Variants in CEP170 observed in about 807,000 individuals in gnomAD.
CEP170 encodes the protein centrosomal protein 170.
CEP170 carries 21 observed loss-of-function variants against 151.9 expected under a neutral mutation model. That is an observed-to-expected ratio of 0.14 (90% CI 0.10 to 0.20). The LOEUF is 0.20. CEP170 is among the 10% of genes least tolerant of loss of function. CEP170 has a pLI of 1.00. For synonymous variants in CEP170, 356 were observed against 648.8 expected, an observed-to-expected ratio of 0.55 and a Z score of 6.86; for missense variants, 964 against 1,892.9, an observed-to-expected ratio of 0.51 and a Z score of 9.11.
intron 1 of CEP170, among the ~76,000 whole-genome samples, chr1:243,238,831 T>A (rs1474908713): frequency 6.6e-6 from 1 of 152,242 alleles, no homozygotes; most frequent in Non-Finnish European, 1.5e-5. Context: ...AATGTCCTCC[T>A]GTTAAATCTA....
At chr1:243,232,335 GTCTC>G (rs1355875380) in intron 1 of CEP170, among the ~76,000 whole-genome samples, 1 of 152,068 alleles carries the variant, frequency 6.6e-6, no homozygotes, top group Non-Finnish European at 1.5e-5. Flanking sequence ...AATTATATCA[GTCTC>G]TATCTTCTGT....
In CEP170 at chr1:243,255,076, G is replaced by A. The variant is rs937831106; in HGVS notation, c.-78C>T. The A allele has an allele frequency of 6.6e-6, 1 of 152,462 alleles. No homozygotes were observed. The highest frequency in any genetic ancestry group is 1.5e-5 in the Non-Finnish European group (1 of 68,138). The allele number at this position is 152,462 out of a possible 1,614,324, so 9.4% of individuals were successfully genotyped here. A position where few individuals can be genotyped will look rare whatever the true frequency, so the allele number is the denominator to read the frequency against. On this transcript the variant is annotated 5_prime_UTR_variant, in exon 1 of 20. Coordinates refer to ENST00000366542, the MANE Select transcript of CEP170 (RefSeq NM_014812.3). ...GAGAGAGGGACCGGACGGGGGAGGC[G>A]GGGCGCGTCGCGTCCCGTGAGTCTC...
In CEP170 at chr1:243,211,930, G is replaced by A. The variant is rs1558602098; in HGVS notation, c.230C>T (p.Thr77Ile). 1 of 1,575,982 alleles carries A rather than the reference G, an allele frequency of 6.3e-7. No homozygotes were observed. The highest frequency in any genetic ancestry group is 1.2e-5 in the South Asian group (1 of 83,466). ...ATCTTCAAGTTTCAAGGTGATATAA[G>A]TCTGTTCCGGAATCCTTACATCATT... ...FVNDVRIPEQ[T>I]YITLKLEDKL... The change falls in exon 4 of 20, where the codon ACT becomes ATT. Residue 77 changes from threonine to isoleucine, a missense_variant. By Grantham distance (89) the Thr-to-Ile change is moderately conservative. Transcript: ENST00000366542.
chr1:243,152,376 C>T (rs918730437), intron 14 of CEP170, among the ~76,000 whole-genome samples: 2 of 151,836 alleles, frequency 1.3e-5, no homozygotes, highest in African/African-American at 2.4e-5. Context: ...CGCCCGCCAC[C>T]ACGCCCGGCT....
rs2063132151 is a variant in CEP170 at position 243,225,238 on chromosome 1, G to A, written c.43C>T (p.Arg15Cys). 2 of 1,597,754 alleles carry A rather than the reference G, an allele frequency of 1.3e-6. No individual in the cohort carries two copies. The highest frequency in any genetic ancestry group is 1.7e-5 in the Admixed American group (1 of 57,318). ...SWFLVSSGGT[R>C]HRLPREMIFV... ...ATCATTTCTCGTGGCAGCCTGTGGC[G>A]AGTGCCTCCACTGCTCACCAAAAAC... Residue 15 changes from arginine to cysteine, a missense_variant, in exon 2 of 20, where the codon CGC becomes TGC. Arg to Cys is a radical substitution (Grantham distance 180). Coordinates refer to ENST00000366542, the MANE Select transcript of CEP170 (RefSeq NM_014812.3).
chr1:243,234,040 T>G (rs1266678100), intron 1 of CEP170, among the ~76,000 whole-genome samples: 1 of 152,154 alleles, frequency 6.6e-6, no homozygotes, highest in African/African-American at 2.4e-5. Flanking sequence ...AAAACACATG[T>G]TAAGGGCAGT....
intron 6 of CEP170, 80 bp from the exon 7 acceptor site, chr1:243,199,274 G>T (rs1285496024): frequency 1.3e-5 from 19 of 1,445,920 alleles, no homozygotes; most frequent in Non-Finnish European, 1.6e-5. Context: ...AGAACTGCCT[G>T]CTTGATTAAT....
chr1:243,172,666 A>G lies in CEP170; in HGVS notation c.1716+31T>C, dbSNP rs2058941198. On this transcript the variant is annotated intron_variant, in intron 11 of 19. Transcript: ENST00000366542. Reference sequence around the variant, plus strand: ...AAAAAAAAGAATTTATACTTTATGCATTCAAATAGGTACACAGAAGAGATG... The same window carrying G: ...AAAAAAAAGAATTTATACTTTATGCGTTCAAATAGGTACACAGAAGAGATG... The G allele has an allele frequency of 2.7e-6, 4 of 1,502,948 alleles. No individual in the cohort carries two copies. The African/African-American group carries it at 5.7e-5, about 21-fold the overall frequency. 93.1% of individuals were successfully genotyped at this position (1,502,948 alleles called of 1,614,324 possible). A position where few individuals can be genotyped will look rare whatever the true frequency, so the allele number is the denominator to read the frequency against.
intron 14 of CEP170, among the ~76,000 whole-genome samples, chr1:243,143,428 A>G (rs2056113365): frequency 1.3e-5 from 2 of 152,070 alleles, no homozygotes; most frequent in South Asian, 4.1e-4. Flanking sequence ...TTGCATTTTT[A>G]CCTACATGGA....
At chr1:243,196,145 T>C (rs1251371476) in intron 7 of CEP170, among the ~76,000 whole-genome samples, 1 of 152,108 alleles carries the variant, frequency 6.6e-6, no homozygotes, top group South Asian at 2.1e-4. Context: ...TTTATGGCTA[T>C]TTGATTTTGG....
chr1:243,229,431 A>C (rs1319263776), intron 1 of CEP170, among the ~76,000 whole-genome samples: 1 of 152,152 alleles, frequency 6.6e-6, no homozygotes, highest in Non-Finnish European at 1.5e-5. Flanking sequence ...GGAGGGAAAA[A>C]AAAGGCCAAG....
intron 10 of CEP170, among the ~76,000 whole-genome samples, chr1:243,180,727 C>T (rs1378006198): frequency 1.3e-5 from 2 of 152,156 alleles, no homozygotes; most frequent in African/African-American, 4.8e-5. Flanking sequence ...TTTACAGGGT[C>T]CAGATCCGCA....
At chr1:243,244,171 T>A (rs942481381) in intron 1 of CEP170, among the ~76,000 whole-genome samples, 1 of 152,192 alleles carries the variant, frequency 6.6e-6, no homozygotes, top group Non-Finnish European at 1.5e-5. Context: ...TGCTGATGAA[T>A]GGAATGATAA....
At chr1:243,227,154 TATCTTACC>T (rs1267711818) in intron 1 of CEP170, among the ~76,000 whole-genome samples, 1 of 152,182 alleles carries the variant, frequency 6.6e-6, no homozygotes, top group Non-Finnish European at 1.5e-5. Flanking sequence ...TATTACCACC[TATCTTACC>T]ATAAAAGTCT....
chr1:243,133,367 G>C (rs183250926), intron 17 of CEP170, among the ~76,000 whole-genome samples: 16 of 152,342 alleles, frequency 1.1e-4, no homozygotes, highest in Admixed American at 8.5e-4. Flanking sequence ...TGAGTCTGGA[G>C]ACTTTATTCC....
intron 7 of CEP170, 62 bp downstream of exon 7, chr1:243,198,998 C>G (rs2060840451): frequency 1.1e-6 from 1 of 897,816 alleles, no homozygotes; most frequent in Non-Finnish European, 1.7e-6. Context: ...CAGCTGTTTG[C>G]TTAGATTACA....
intron 3 of CEP170, among the ~76,000 whole-genome samples, chr1:243,212,361 T>G (rs1008159675): frequency 6.6e-6 from 1 of 152,228 alleles, no homozygotes; most frequent in Non-Finnish European, 1.5e-5. Flanking sequence ...GCATTGACAT[T>G]TCATTACTTT....
At chr1:243,226,182 TAG>T (rs1246961707) in intron 1 of CEP170, among the ~76,000 whole-genome samples, 2 of 23,120 alleles carry the variant, frequency 8.7e-5, no homozygotes, top group African/African-American at 2.5e-4. Flanking sequence ...TATATATATC[TAG>T]ATATATATAT....
intron 1 of CEP170, among the ~76,000 whole-genome samples, chr1:243,238,830 C>T (rs1255369150): frequency 2.0e-5 from 3 of 152,178 alleles, no homozygotes; most frequent in African/African-American, 4.8e-5. Context: ...AAATGTCCTC[C>T]TGTTAAATCT....
Sources: gnomAD v4.1 joint callset for allele counts (sites outside exome capture counted in the v4.1 genomes callset) on GRCh38, gnomAD v4.1.1 for gene constraint, MANE v1.5 for transcripts, NCBI Gene and HGNC (gene_info 2026-07-23, HGNC 2026-07-21) for gene names.